Variants in PCGF2 observed in about 807,000 individuals in gnomAD.
PCGF2 encodes polycomb group RING finger protein 2.
PCGF2 carries 8 observed loss-of-function variants against 36.1 expected under a neutral mutation model. The ratio of observed to expected loss-of-function variants is 0.22; its 90% confidence interval spans 0.13 to 0.40. The LOEUF is 0.40. Among genes scored for constraint, PCGF2 ranks in the 10% least tolerant of loss-of-function variants. The probability of loss-of-function intolerance (pLI) is 1.00; values close to 1 mark genes in which losing one functional copy is unlikely to be tolerated. For synonymous variants in PCGF2, 198 were observed against 191.2 expected (o/e 1.04, Z -0.29); for missense variants, 436 against 475.9 (o/e 0.92, Z 0.78).
Position 38,738,849 on chromosome 17 carries a change from G to T in PCGF2, c.329C>A (p.Ser110Tyr), listed in dbSNP as rs1163873738. 6.2e-7 allele frequency: 1 copy of T among 1,613,744 alleles called. No individual in the cohort carries two copies. Among genetic ancestry groups the T allele is most frequent in the Non-Finnish European group, 8.5e-7 (1 of 1,179,738 alleles). The change falls in exon 7 of 11, where the codon TCC (serine) becomes TAC (tyrosine). Residue 110 changes from serine (S) to tyrosine (Y), a missense_variant. Ser to Tyr is a moderately radical substitution (Grantham distance 144). Coordinates refer to ENST00000620225, the MANE Select transcript of PCGF2 (RefSeq NM_007144.3). ...CAAGACCTCGCCGCGGTCCTCATTG[G>T]AGCCGTTGGGGACTGCAGAAGGAAA... ...AYPLTEVPNG[S>Y]NEDRGEVLEQ...
chr17:38,736,036 C>G, intron 10 of PCGF2, 54 bp downstream of exon 10: 3 of 1,216,602 alleles, frequency 2.5e-6, no homozygotes, highest in South Asian at 1.3e-5. Context: ...GGCCACAGAC[C>G]TATGCCAGAC....
Position 38,733,999 on chromosome 17 carries a change from A to C in PCGF2, c.*1224T>G, listed in dbSNP as rs1258434954. 6.5e-6 allele frequency: 1 copy of C among 153,088 alleles called. No individual in the cohort carries two copies. Among genetic ancestry groups the C allele is most frequent in the Non-Finnish European group, 1.5e-5 (1 of 68,692 alleles). 9.5% of individuals were successfully genotyped at this position (153,088 alleles called of 1,614,324 possible). ...CAGACACAGGACAAGGTGCAAACAC[A>C]GACAAGCCCATCAGGGGGCTCCCAA... On this transcript the variant is annotated 3_prime_UTR_variant, in exon 11 of 11. Coordinates refer to ENST00000620225, the MANE Select transcript of PCGF2 (RefSeq NM_007144.3).
intron 2 of PCGF2, among the ~76,000 whole-genome samples, chr17:38,741,907 T>C (rs1239136710): frequency 1.3e-5 from 2 of 151,616 alleles, no homozygotes; most frequent in Non-Finnish European, 2.9e-5. Flanking sequence ...AACCCCCCTT[T>C]CATACACAAT....
In PCGF2 at chr17:38,739,168, G is replaced by T; in HGVS notation, c.265+30C>A. ...ACAGGGCCATGGGTTGGGAAATGGGGTCAGTGGAGGAGGAATGGAGTGCAG... is the reference window on the plus strand; with the variant it reads ...ACAGGGCCATGGGTTGGGAAATGGGTTCAGTGGAGGAGGAATGGAGTGCAG... On this transcript the variant is annotated intron_variant, in intron 5 of 10. Coordinates refer to ENST00000620225, the MANE Select transcript of PCGF2 (RefSeq NM_007144.3). The surrounding 1 kb of genome is among the most constrained non-coding windows in gnomAD (Gnocchi z 4.0). The T allele has an allele frequency of 6.2e-7, 1 of 1,613,958 alleles. No homozygotes were observed. The highest frequency in any genetic ancestry group is 1.1e-5 in the South Asian group (1 of 91,084).
Position 38,735,058 on chromosome 17 carries a change from T to C in PCGF2, c.*165A>G. 1 of 436,190 alleles carries C rather than the reference T, an allele frequency of 2.3e-6. No homozygotes were observed. Among genetic ancestry groups the C allele is most frequent in the Non-Finnish European group, 4.0e-6 (1 of 249,436 alleles). 27.0% of individuals were successfully genotyped at this position (436,190 alleles called of 1,614,324 possible). On this transcript the variant is annotated 3_prime_UTR_variant, in exon 11 of 11. Coordinates refer to ENST00000620225, the MANE Select transcript of PCGF2 (RefSeq NM_007144.3). ...GGTCCATAGAAAATAAGTATGTATA[T>C]TTGGTTTTTCCTATGTACATATATA... is the stretch of plus-strand genomic sequence containing the variant.
At chr17:38,737,705 A>G (rs2143081205) in intron 9 of PCGF2, among the ~76,000 whole-genome samples, 1 of 151,876 alleles carries the variant, frequency 6.6e-6, no homozygotes, top group South Asian at 2.1e-4. Flanking sequence ...CGAGGTCAGG[A>G]GTTTAAGACC....
intron 2 of PCGF2, among the ~76,000 whole-genome samples, chr17:38,742,861 G>C (rs1466131989): frequency 6.6e-6 from 1 of 152,200 alleles, no homozygotes. Context: ...TGTGTGTCCA[G>C]ATGCATCTAT....
rs748666781 is a variant in PCGF2, at chr17:38,740,439, T to C, written c.-37A>G. 1 of 1,523,646 alleles carries C rather than the reference T, an allele frequency of 6.6e-7. No homozygotes were observed. Among genetic ancestry groups the C allele is most frequent in the Admixed American group, 1.8e-5 (1 of 56,658 alleles). The allele number at this position is 1,523,646 out of a possible 1,614,324, so 94.4% of individuals were successfully genotyped here. A position where few individuals can be genotyped will look rare whatever the true frequency, so the allele number is the denominator to read the frequency against. Reference sequence around the variant, plus strand: ...CGGGGGTGGGGGGACTGGGGAGCGTTGCCCTGGGAAACGGAAGTGGAATCA... The same window carrying C: ...CGGGGGTGGGGGGACTGGGGAGCGTCGCCCTGGGAAACGGAAGTGGAATCA... On this transcript the variant is annotated 5_prime_UTR_variant, in exon 3 of 11. Transcript: ENST00000620225.
chr17:38,738,311 C>A (rs1158619487), intron 9 of PCGF2, 42 bp downstream of exon 9: 3 of 1,475,272 alleles, frequency 2.0e-6, no homozygotes, highest in Non-Finnish European at 2.8e-6. Context: ...TCTGACACAC[C>A]CATACACAGA....
At chr17:38,740,555 T>A (rs868566997) in intron 2 of PCGF2, 113 bp from the exon 3 acceptor site, 1 of 678,164 alleles carries the variant, frequency 1.5e-6, no homozygotes, top group Non-Finnish European at 2.4e-6. Context: ...GTCAGGAGAT[T>A]GAGACCATCT....
At chr17:38,744,585 GCCT>G (rs1421824471) in intron 2 of PCGF2, among the ~76,000 whole-genome samples, 1 of 152,046 alleles carries the variant, frequency 6.6e-6, no homozygotes, top group Non-Finnish European at 1.5e-5. Context: ...CCAACTCCTG[GCCT>G]CAAGTGATCT....
chr17:38,740,644 A>G (rs561716726), intron 2 of PCGF2, among the ~76,000 whole-genome samples: 134 of 152,314 alleles, frequency 8.8e-4, no homozygotes, highest in African/African-American at 2.9e-3. Context: ...CTGTAGTCCC[A>G]GCTGCTTGGG....
In PCGF2 at chr17:38,735,403, G is replaced by A. The variant is rs1284212641; in HGVS notation, c.855C>T (p.Gly285=). 1.9e-6 allele frequency: 3 copies of A among 1,572,390 alleles called. No homozygotes were observed. The highest frequency in any genetic ancestry group is 2.6e-6 in the Non-Finnish European group (3 of 1,158,302). The change falls in exon 11 of 11, where the codon GGC becomes GGT. Residue 285 remains glycine, a synonymous_variant. Coordinates refer to ENST00000620225, the MANE Select transcript of PCGF2 (RefSeq NM_007144.3). ...CTGGAGGCCCATGGGAACTGGGAGA[G>A]CCATGGGATGGGGTGGCTGGGCTGG... is the stretch of plus-strand genomic sequence containing the variant. ...SLPSPATPSH[G]SPSSHGPPAT...
In PCGF2 at chr17:38,739,910, T is replaced by C. The variant is rs1461088481; in HGVS notation, c.113-228A>G. On this transcript the variant is annotated intron_variant, in intron 3 of 10. Coordinates refer to ENST00000620225, the MANE Select transcript of PCGF2 (RefSeq NM_007144.3). The surrounding 1 kb of genome is among the most constrained non-coding windows in gnomAD (Gnocchi z 4.0). ...CCAGTGTCATGTACAATGCAGAAGG[T>C]CAGCCCTGAGTCCCAAGCTCCCCGA... 6.6e-6 allele frequency among the ~76,000 whole-genome samples: 1 copy of C among 152,076 alleles called. No individual in the cohort carries two copies. Among genetic ancestry groups the C allele is most frequent in the Non-Finnish European group, 1.5e-5 (1 of 68,010 alleles).
chr17:38,749,680 C>G (rs903038865), upstream of PCGF2: 9 of 455,926 alleles, frequency 2.0e-5, no homozygotes, highest in Non-Finnish European at 3.5e-5. The surrounding 1 kb of genome is among the most constrained non-coding windows in gnomAD (Gnocchi z 6.5). Flanking sequence ...GAGCGCCTGC[C>G]TCCTCTTCCC....
At chr17:38,738,684 G>C (rs1235734379) in intron 7 of PCGF2, 69 bp downstream of exon 7, 2 of 1,564,874 alleles carry the variant, frequency 1.3e-6, no homozygotes, top group African/African-American at 1.4e-5. Context: ...CATCCAGAGA[G>C]GGTCCTGGGT....
chr17:38,735,656 A>T, intron 10 of PCGF2, 56 bp from the exon 11 acceptor site: 1 of 1,477,650 alleles, frequency 6.8e-7, no homozygotes, highest in Non-Finnish European at 9.0e-7. Context: ...CAGGAGACAG[A>T]GTCCAACTAA....
chr17:38,735,015 A>C lies in PCGF2; in HGVS notation c.*208T>G. ...ACACATAAAGTTTGTTTCCTGTGGC[A>C]TTTAAATTAATCTGGTTGGTCCATA... On this transcript the variant is annotated 3_prime_UTR_variant, in exon 11 of 11. Transcript: ENST00000620225. 1 of 389,718 alleles carries C rather than the reference A, an allele frequency of 2.6e-6. No individual in the cohort carries two copies. Among genetic ancestry groups the C allele is most frequent in the Non-Finnish European group, 4.5e-6 (1 of 220,142 alleles). 24.1% of individuals were successfully genotyped at this position (389,718 alleles called of 1,614,324 possible).
chr17:38,740,838 T>C (rs1907160270), intron 2 of PCGF2, among the ~76,000 whole-genome samples: 1 of 151,996 alleles, frequency 6.6e-6, no homozygotes, highest in Non-Finnish European at 1.5e-5. Flanking sequence ...CACCAGCACA[T>C]CTCTCCCTGA....
Sources: gnomAD v4.1 joint callset for allele counts (sites outside exome capture counted in the v4.1 genomes callset) on GRCh38, gnomAD v4.1.1 for gene constraint, Gnocchi (gnomAD v3.1) non-coding constraint, MANE v1.5 for transcripts, NCBI Gene and HGNC (gene_info 2026-07-23, HGNC 2026-07-21) for gene names.